Variants in SYT10 observed in about 807,000 individuals in gnomAD.
SYT10 encodes synaptotagmin 10, also known as synaptotagmin-10.
A neutral mutation model predicts 51.1 loss-of-function variants in SYT10; 31 were observed. The observed-to-expected ratio is 0.61, with a 90% CI of 0.46 to 0.82. The LOEUF (loss-of-function observed/expected upper bound fraction) is 0.82. SYT10 is among the 40% of genes least tolerant of loss of function. The probability of loss-of-function intolerance (pLI) is 0.00; values close to 1 mark genes in which losing one functional copy is unlikely to be tolerated. For missense variants in SYT10, 603 were observed against 634.0 expected (o/e 0.95, Z 0.53); for synonymous variants, 233 against 225.9 (o/e 1.03, Z -0.28).
Position 33,375,184 on chromosome 12 carries a change from C to G in SYT10, c.*1646G>C, listed in dbSNP as rs1249077052. The G allele has an allele frequency of 6.6e-6, 1 of 151,920 alleles. No individual in the cohort carries two copies. The highest frequency in any genetic ancestry group is 1.5e-5 in the Non-Finnish European group (1 of 67,904). 9.4% of individuals were successfully genotyped at this position (151,920 alleles called of 1,614,324 possible). The stretch of plus-strand genomic sequence containing the variant: ...CCTGTTTTCCTTAGGGTGGTATAAG[C>G]ATTTTTGAAAAATCTGAGGCAGAAC... On this transcript the variant is annotated 3_prime_UTR_variant, in exon 7 of 7. Coordinates refer to ENST00000228567, the MANE Select transcript of SYT10 (RefSeq NM_198992.4).
At position 33,400,578 on chromosome 12, in the gene SYT10, C is replaced by CAA. The variant is rs1555115324; in HGVS notation, c.1077+6209_1077+6210dup. ...TAAAGTGTGTAGAACACAGTTGGTG[C>CAA]AAAAAAAAAAATTTCATTGAATAGG... On this transcript the variant is annotated intron_variant, in intron 3 of 6. Coordinates refer to ENST00000228567, the MANE Select transcript of SYT10 (RefSeq NM_198992.4). 2.4e-3 allele frequency among the ~76,000 whole-genome samples: 203 copies of CAA among 86,168 alleles called. 1 individual carries two copies. The highest frequency in any genetic ancestry group is 0.019 in the Middle Eastern group (3 of 162). 56.5% of individuals were successfully genotyped at this position (86,168 alleles called of 152,430 possible). A position where few individuals can be genotyped will look rare whatever the true frequency, so the allele number is the denominator to read the frequency against.
chr12:33,391,710 G>T (rs1416225379), intron 3 of SYT10, among the ~76,000 whole-genome samples: 2 of 152,156 alleles, frequency 1.3e-5, no homozygotes, highest in South Asian at 2.1e-4. Context: ...TCAGAGTGCA[G>T]TTTGCAGCCT....
intron 2 of SYT10, among the ~76,000 whole-genome samples, chr12:33,414,454 A>G (rs1866436330): frequency 6.6e-6 from 1 of 152,246 alleles, no homozygotes; most frequent in African/African-American, 2.4e-5. Flanking sequence ...GCAAATGTAA[A>G]AGAACAGAAA....
chr12:33,378,978 G>T (rs1429936820), intron 6 of SYT10, among the ~76,000 whole-genome samples: 1 of 152,158 alleles, frequency 6.6e-6, no homozygotes, highest in African/African-American at 2.4e-5. Flanking sequence ...GTGTGAGCAT[G>T]CAATGCTCAT....
intron 4 of SYT10, among the ~76,000 whole-genome samples, chr12:33,383,799 G>A (rs1442604252): frequency 3.3e-5 from 5 of 152,060 alleles, no homozygotes; most frequent in Non-Finnish European, 4.4e-5. Flanking sequence ...ATGAGGAGGT[G>A]CTCTCAAAGC....
At chr12:33,406,665 T>C (rs1314711864) in intron 3 of SYT10, 124 bp downstream of exon 3, 1 of 801,148 alleles carries the variant, frequency 1.2e-6, no homozygotes, top group Non-Finnish European at 1.9e-6. Context: ...AATTCTACCT[T>C]TGCAGGATCT....
chr12:33,385,419 A>G, intron 3 of SYT10, 128 bp from the exon 4 acceptor site: 2 of 1,329,234 alleles, frequency 1.5e-6, no homozygotes, highest in South Asian at 3.1e-5. Flanking sequence ...ATAACATTGC[A>G]AGAAAGCTAT....
In SYT10 at chr12:33,375,679, G is replaced by T. The variant is rs757934166; in HGVS notation, c.*1151C>A. The T allele has an allele frequency of 9.2e-5, 14 of 152,082 alleles. No individual in the cohort carries two copies. The highest frequency in any genetic ancestry group is 4.1e-4 in the South Asian group (2 of 4,822). 9.4% of individuals were successfully genotyped at this position (152,082 alleles called of 1,614,324 possible). Reference sequence around the variant, plus strand: ...CAAGGACTGGAGGCCTGGGCCTTTAGAATTAATTTGTTTATTATTATTAAG... The same window carrying T: ...CAAGGACTGGAGGCCTGGGCCTTTATAATTAATTTGTTTATTATTATTAAG... On this transcript the variant is annotated 3_prime_UTR_variant, in exon 7 of 7. Coordinates refer to ENST00000228567, the MANE Select transcript of SYT10 (RefSeq NM_198992.4).
intron 3 of SYT10, among the ~76,000 whole-genome samples, chr12:33,400,268 G>A (rs906943802): frequency 4.6e-5 from 7 of 152,038 alleles, no homozygotes; most frequent in Non-Finnish European, 8.8e-5. Context: ...ATGATTGGGG[G>A]TAGAATTAAA....
intron 1 of SYT10, among the ~76,000 whole-genome samples, chr12:33,428,702 C>CACGAGGTCA (rs1565499924): frequency 6.6e-6 from 1 of 151,956 alleles, no homozygotes; most frequent in East Asian, 1.9e-4. Flanking sequence ...GTCAGAAGAT[C>CACGAGGTCA]GACACCATCC....
intron 6 of SYT10, among the ~76,000 whole-genome samples, chr12:33,377,649 T>TG (rs1240575314): frequency 2.2e-5 from 3 of 138,772 alleles, no homozygotes; most frequent in Non-Finnish European, 4.7e-5. Context: ...TTTTTTGAGA[T>TG]GGAGTCTCAC....
chr12:33,392,502 A>G (rs1487301953), intron 3 of SYT10, among the ~76,000 whole-genome samples: 1 of 152,034 alleles, frequency 6.6e-6, no homozygotes, highest in Non-Finnish European at 1.5e-5. Flanking sequence ...ATTGTGTTCC[A>G]TAGAGGTCAG....
intron 2 of SYT10, among the ~76,000 whole-genome samples, chr12:33,414,672 T>C (rs1866437762): frequency 6.6e-6 from 1 of 152,144 alleles, no homozygotes; most frequent in Non-Finnish European, 1.5e-5. Flanking sequence ...TGGGACACAT[T>C]GAAAGCAGTG....
rs1866056931 is a variant in SYT10, at chr12:33,375,736, T to C, written c.*1094A>G. ...AGTTGTATTATTAATATTTATAGTA[T>C]ATTTCTATATGTTGCTGAAAATAAA... is the stretch of plus-strand genomic sequence containing the variant. On this transcript the variant is annotated 3_prime_UTR_variant, in exon 7 of 7. Transcript: ENST00000228567. 1 of 152,530 alleles carries C rather than the reference T, an allele frequency of 6.6e-6. No individual in the cohort carries two copies. The highest frequency in any genetic ancestry group is 6.6e-5 in the Admixed American group (1 of 15,258). The allele number at this position is 152,530 out of a possible 1,614,324, so 9.4% of individuals were successfully genotyped here.
In SYT10 at chr12:33,385,070, C is replaced by T. The variant is rs909259835; in HGVS notation, c.1198+101G>A. 24 of 1,389,902 alleles carry T rather than the reference C, an allele frequency of 1.7e-5. No homozygotes were observed. In the African/African-American group the frequency reaches 2.6e-4, roughly 15 times the overall value. The allele number at this position is 1,389,902 out of a possible 1,614,324, so 86.1% of individuals were successfully genotyped here. On this transcript the variant is annotated intron_variant, in intron 4 of 6. Transcript: ENST00000228567. The stretch of plus-strand genomic sequence containing the variant: ...TCTTTTTTTTTCTTTTGTAGTACTC[C>T]CATTATAGGCAAATAATTCAGTAGT...
At chr12:33,422,346 G>A (rs988573591) in intron 2 of SYT10, among the ~76,000 whole-genome samples, 1 of 151,950 alleles carries the variant, frequency 6.6e-6, no homozygotes, top group African/African-American at 2.4e-5. Context: ...TCTTTTTGTT[G>A]TTGTTTTCTA....
At chr12:33,407,386 T>C (rs1424678763) in intron 2 of SYT10, 30 bp from the exon 3 acceptor site, 1 of 1,586,790 alleles carries the variant, frequency 6.3e-7, no homozygotes, top group Non-Finnish European at 8.5e-7. Flanking sequence ...CACAAAATCA[T>C]TGAGGGAGAT....
chr12:33,436,947 T>A (rs1190850691), intron 1 of SYT10, among the ~76,000 whole-genome samples: 2 of 152,196 alleles, frequency 1.3e-5, no homozygotes, highest in Non-Finnish European at 2.9e-5. Context: ...TCACTGGAAG[T>A]GCTTTATTTA....
intron 1 of SYT10, among the ~76,000 whole-genome samples, chr12:33,431,895 A>G (rs2138438661): frequency 6.6e-6 from 1 of 152,282 alleles, no homozygotes; most frequent in African/African-American, 2.4e-5. Flanking sequence ...GCTTTAGAGC[A>G]CAGTACCCTT....
Sources: gnomAD v4.1 joint callset for allele counts (sites outside exome capture counted in the v4.1 genomes callset) on GRCh38, gnomAD v4.1.1 for gene constraint, MANE v1.5 for transcripts, NCBI Gene and HGNC (gene_info 2026-07-23, HGNC 2026-07-21) for gene names.